The following CPQ variants were observed in gnomAD, a reference collection of about 807,000 sequenced individuals.
CPQ encodes Ser-Met dipeptidase.
A neutral mutation model predicts 45.7 loss-of-function variants in CPQ; 37 were observed. That is an observed-to-expected ratio of 0.81 (90% CI 0.62 to 1.07). CPQ has a LOEUF of 1.07. Ranked by LOEUF, CPQ falls within the 50% of genes least tolerant of loss-of-function variation. The pLI, the probability that CPQ is intolerant of heterozygous loss-of-function variation, is 0.00. For missense variants in CPQ, 537 were observed against 572.9 expected (o/e 0.94, Z 0.64); for synonymous variants, 186 against 205.8 (o/e 0.90, Z 0.82).
intron 1 of CPQ, among the ~76,000 whole-genome samples, chr8:96,745,161 A>C (rs1426401556): frequency 6.6e-6 from 1 of 152,126 alleles, no homozygotes; most frequent in Non-Finnish European, 1.5e-5. Context: ...TACAAAAATT[A>C]GCTGGGCATG....
intron 1 of CPQ, among the ~76,000 whole-genome samples, chr8:96,674,392 G>C (rs1008926461): frequency 6.6e-6 from 1 of 152,114 alleles, no homozygotes; most frequent in Non-Finnish European, 1.5e-5. Context: ...TAGTTTGGTA[G>C]TCTCTAATGT....
At chr8:97,085,879 G>A (rs1346159455) in intron 7 of CPQ, among the ~76,000 whole-genome samples, 1 of 152,140 alleles carries the variant, frequency 6.6e-6, no homozygotes, top group African/African-American at 2.4e-5. Context: ...TATCAAATGT[G>A]TTGTAATGCT....
chr8:96,919,650 G>A (rs141944767), intron 4 of CPQ, among the ~76,000 whole-genome samples: 89 of 152,238 alleles, frequency 5.8e-4, no homozygotes, highest in African/African-American at 2.0e-3. Context: ...ATTCTTGTGT[G>A]ACCTAGAAAA....
chr8:96,811,890 C>T (rs41352248), intron 2 of CPQ, among the ~76,000 whole-genome samples: 1,673 of 151,986 alleles, frequency 0.011, 41 homozygotes, highest in African/African-American at 0.037. Context: ...CATGAGTGAC[C>T]GTAAAAATTG....
At chr8:97,029,713 T>A (rs550926706) in intron 6 of CPQ, among the ~76,000 whole-genome samples, 1 of 152,214 alleles carries the variant, frequency 6.6e-6, no homozygotes, top group South Asian at 2.1e-4. Flanking sequence ...TACACCACAG[T>A]CTGAGGCCAA....
intron 1 of CPQ, among the ~76,000 whole-genome samples, chr8:96,719,344 T>G (rs1406503282): frequency 1.3e-5 from 2 of 152,214 alleles, no homozygotes; most frequent in African/African-American, 4.8e-5. Flanking sequence ...AAGTTCCTCA[T>G]TGCCCAGGGC....
At chr8:96,645,861 T>A (rs1815513201) in intron 1 of CPQ, among the ~76,000 whole-genome samples, 7 of 151,464 alleles carry the variant, frequency 4.6e-5, no homozygotes, top group Admixed American at 4.0e-4. Context: ...GTACTTTCGC[T>A]TTTGATGCGT....
chr8:96,969,371 G>A (rs1046339967), intron 5 of CPQ, among the ~76,000 whole-genome samples: 1 of 152,166 alleles, frequency 6.6e-6, no homozygotes, highest in Non-Finnish European at 1.5e-5. Context: ...CACTAAAGAG[G>A]AAAGAGAAAT....
At chr8:96,734,231 A>T (rs918613041) in intron 1 of CPQ, among the ~76,000 whole-genome samples, 1 of 152,202 alleles carries the variant, frequency 6.6e-6, no homozygotes, top group Non-Finnish European at 1.5e-5. Context: ...CCTCCAGAGT[A>T]CATCTGGGAC....
chr8:96,960,107 T>C (rs1483459053), intron 4 of CPQ, among the ~76,000 whole-genome samples: 1 of 152,084 alleles, frequency 6.6e-6, no homozygotes, highest in African/African-American at 2.4e-5. Flanking sequence ...GCCAAGAAAA[T>C]AAGTATGACT....
chr8:96,943,514 T>A (rs1448014395), intron 4 of CPQ, among the ~76,000 whole-genome samples: 4 of 152,190 alleles, frequency 2.6e-5, no homozygotes, highest in Non-Finnish European at 5.9e-5. Flanking sequence ...TAAGTATTAT[T>A]ACTCTTCTCC....
chr8:97,136,218 G>T lies in CPQ; in HGVS notation c.1256-6802G>T, dbSNP rs1358290736. On this transcript the variant is annotated intron_variant, in intron 7 of 7. Coordinates refer to ENST00000220763, the MANE Select transcript of CPQ (RefSeq NM_016134.4). ...TCATAGAGAAGGAGCAAGGGAAGGA[G>T]GAAGAGGGAAAATAATCCAAACCAG... 2.6e-5 allele frequency among the ~76,000 whole-genome samples: 4 copies of T among 152,278 alleles called. No homozygotes were observed. In the East Asian group the frequency reaches 7.7e-4, roughly 29 times the overall value.
intron 5 of CPQ, among the ~76,000 whole-genome samples, chr8:96,982,003 C>T (rs1732440086): frequency 6.6e-6 from 1 of 152,156 alleles, no homozygotes; most frequent in African/African-American, 2.4e-5. Flanking sequence ...AGGAAAAACA[C>T]ATGTCTATTA....
At chr8:96,798,266 C>T (rs901489619) in intron 2 of CPQ, among the ~76,000 whole-genome samples, 3 of 151,538 alleles carry the variant, frequency 2.0e-5, no homozygotes, top group Admixed American at 6.6e-5. Flanking sequence ...AGTACCTGGG[C>T]CCACAGGTGC....
chr8:96,840,748 T>A (rs1273532948), intron 3 of CPQ, among the ~76,000 whole-genome samples: 2 of 152,142 alleles, frequency 1.3e-5, no homozygotes, highest in African/African-American at 2.4e-5. Flanking sequence ...TATGAGAACA[T>A]TAGAACTTGG....
intron 3 of CPQ, among the ~76,000 whole-genome samples, chr8:96,845,517 C>A (rs1811673416): frequency 6.6e-6 from 1 of 152,024 alleles, no homozygotes; most frequent in Non-Finnish European, 1.5e-5. Context: ...ATTTTTTTCT[C>A]AATTTTTTGT....
chr8:96,773,592 G>A (rs183744334), intron 1 of CPQ, among the ~76,000 whole-genome samples: 3 of 152,288 alleles, frequency 2.0e-5, no homozygotes, highest in Admixed American at 2.0e-4. Context: ...TAAAGGTAGG[G>A]AAATAACAAA....
intron 4 of CPQ, among the ~76,000 whole-genome samples, chr8:96,896,044 A>C (rs575948748): frequency 1.3e-5 from 2 of 152,250 alleles, no homozygotes; most frequent in East Asian, 3.9e-4. Flanking sequence ...TTTCATAATA[A>C]GACTCTAAGA....
At chr8:96,764,899 A>C (rs111552534) in intron 1 of CPQ, among the ~76,000 whole-genome samples, 1 of 152,224 alleles carries the variant, frequency 6.6e-6, no homozygotes, top group Non-Finnish European at 1.5e-5. Flanking sequence ...ATTAAATTGC[A>C]TGTTCAGCTT....
Sources: gnomAD v4.1 joint callset for allele counts (sites outside exome capture counted in the v4.1 genomes callset) on GRCh38, gnomAD v4.1.1 for gene constraint, MANE v1.5 for transcripts, NCBI Gene and HGNC (gene_info 2026-07-23, HGNC 2026-07-21) for gene names.